The following CLK2 variants were observed in gnomAD, a reference collection of about 807,000 sequenced individuals.
CLK2 encodes dual specificity protein kinase CLK2.
A neutral mutation model predicts 73.5 loss-of-function variants in CLK2; 12 were observed. The observed-to-expected ratio is 0.16, with a 90% CI of 0.10 to 0.26. The LOEUF (loss-of-function observed/expected upper bound fraction) is 0.26. Among genes scored for constraint, CLK2 ranks in the 10% least tolerant of loss-of-function variants. CLK2 has a pLI of 1.00. For synonymous variants in CLK2, 232 were observed against 237.9 expected (o/e 0.98, Z 0.23); for missense variants, 509 against 688.4 (o/e 0.74, Z 2.92).
At chr1:155,264,086 A>C in intron 11 of CLK2, 46 bp from the exon 12 acceptor site, 1 of 1,576,888 alleles carries the variant, frequency 6.3e-7, no homozygotes. Flanking sequence ...CACCCTTGTT[A>C]CAATTCCCTT....
In CLK2 at chr1:155,268,901, G is replaced by C. The variant is rs1464689992; in HGVS notation, c.400-106C>G. Reference sequence around the variant, plus strand: ...TCACCGGTCACAGGCGCCCAGCCAGGGGGGACAGACGATGATGGGGGACAG... The same window carrying C: ...TCACCGGTCACAGGCGCCCAGCCAGCGGGGACAGACGATGATGGGGGACAG... On this transcript the variant is annotated intron_variant, in intron 3 of 12. Transcript: ENST00000368361. This position sits in a 1 kb window ranked among gnomAD's most constrained non-coding sequence, Gnocchi z 5.6. 2.8e-6 allele frequency: 2 copies of C among 710,058 alleles called. No individual in the cohort carries two copies. Among genetic ancestry groups the C allele is most frequent in the Non-Finnish European group, 5.1e-6 (2 of 395,396 alleles). 44.0% of individuals were successfully genotyped at this position (710,058 alleles called of 1,614,324 possible).
chr1:155,268,836 G>GA lies in CLK2; in HGVS notation c.400-42dup. On this transcript the variant is annotated intron_variant, in intron 3 of 12. Transcript: ENST00000368361. The surrounding 1 kb of genome is among the most constrained non-coding windows in gnomAD (Gnocchi z 5.6). ...GGGGGTCGGAGCAAGCCAGGTGTCG[G>GA]AGCGGGGGCCGGAGGGAGGCGGGGT... 1 of 1,348,850 alleles carries GA rather than the reference G, an allele frequency of 7.4e-7. No individual in the cohort carries two copies. Among genetic ancestry groups the GA allele is most frequent in the Non-Finnish European group, 1.1e-6 (1 of 949,800 alleles). 83.6% of individuals were successfully genotyped at this position (1,348,850 alleles called of 1,614,324 possible). A position where few individuals can be genotyped will look rare whatever the true frequency, so the allele number is the denominator to read the frequency against.
At chr1:155,271,880 T>C (rs1673525445) in intron 1 of CLK2, among the ~76,000 whole-genome samples, 1 of 152,158 alleles carries the variant, frequency 6.6e-6, no homozygotes, top group Non-Finnish European at 1.5e-5. Flanking sequence ...CCCCTTGAAT[T>C]AACTTAATCA....
intron 6 of CLK2, among the ~76,000 whole-genome samples, chr1:155,267,258 A>T (rs190403986): frequency 7.2e-4 from 109 of 152,028 alleles, no homozygotes; most frequent in Non-Finnish European, 1.8e-4. Context: ...ATGCCCGGCT[A>T]ATTTTTTTAT....
At chr1:155,269,094 C>G in intron 3 of CLK2, 1 of 581,408 alleles carries the variant, frequency 1.7e-6, no homozygotes, top group South Asian at 2.0e-5. Context: ...ACACAATGCC[C>G]TTCCGGGCAG....
In CLK2 at chr1:155,263,163, C is replaced by G. The variant is rs930196230; in HGVS notation, c.*55G>C. 9.1e-6 allele frequency: 14 copies of G among 1,546,580 alleles called. No individual in the cohort carries two copies. Among genetic ancestry groups the G allele is most frequent in the African/African-American group, 4.1e-5 (3 of 73,080 alleles). ...CTCTTGTATAAAAAAGCACCAGTGT[C>G]CTGGACTGGACACCCACTGCTATAA... On this transcript the variant is annotated 3_prime_UTR_variant, in exon 13 of 13. Coordinates refer to ENST00000368361, the MANE Select transcript of CLK2 (RefSeq NM_001294338.2).
Position 155,263,264 on chromosome 1 carries a change from T to G in CLK2, c.1454A>C (p.Glu485Ala). The G allele has an allele frequency of 6.2e-7, 1 of 1,614,056 alleles. No individual in the cohort carries two copies. Among genetic ancestry groups the G allele is most frequent in the Non-Finnish European group, 8.5e-7 (1 of 1,180,024 alleles). Residue 485 changes from glutamate (E) to alanine (A), a missense_variant, in exon 13 of 13, where the codon GAG (glutamate) becomes GCG (alanine). Physicochemically the swap from Glu to Ala is moderately radical, Grantham distance 107. Transcript: ENST00000368361. ...QHPFFARLRA[E>A]PPNKLWDSSR... ...GGAGTCCCACAACTTGTTGGGCGGC[T>G]CAGCCCGAAGGCGGGCGAAGAAAGG...
In CLK2 at chr1:155,266,775, G is replaced by A; in HGVS notation, c.792C>T (p.Ile264=). 6.2e-7 allele frequency: 1 copy of A among 1,613,530 alleles called. No individual in the cohort carries two copies. The highest frequency in any genetic ancestry group is 2.2e-5 in the East Asian group (1 of 44,856). ...GGAAGGCCATGTGGCGCACTTGGTG[G>A]ATGGGGTAGGGCAGGTAGTTGTTGT... ...LKDNNYLPYP[I]HQVRHMAFQL... The change falls in exon 7 of 13, where the codon ATC becomes ATT. Residue 264 remains isoleucine (I), a synonymous_variant. Coordinates refer to ENST00000368361, the MANE Select transcript of CLK2 (RefSeq NM_001294338.2).
chr1:155,268,312 G>C lies in CLK2; in HGVS notation c.535C>G (p.Gln179Glu). The change falls in exon 5 of 13, where the codon CAA becomes GAA. Residue 179 changes from glutamine (Q) to glutamate (E), a missense_variant. Gln to Glu is a conservative substitution (Grantham distance 29). Around this residue, in one of 6 missense-constraint regions of CLK2, gnomAD observed 76 missense variants for 126.4 expected, o/e 0.60. Transcript: ENST00000368361. This position sits in a 1 kb window ranked among gnomAD's most constrained non-coding sequence, Gnocchi z 5.6. ...LGEGTFGRVV[Q>E]CVDHRRGGAR... The stretch of plus-strand genomic sequence containing the variant: ...AGTTACCTGCGATGGTCAACACATT[G>C]TACAACTCGGCCGAAGGTCCCCTCT... 1 of 1,614,158 alleles carries C rather than the reference G, an allele frequency of 6.2e-7. No homozygotes were observed. The highest frequency in any genetic ancestry group is 2.2e-5 in the East Asian group (1 of 44,886).
Position 155,269,625 on chromosome 1 carries a change from C to G in CLK2, c.262G>C (p.Asp88His), listed in dbSNP as rs1440069903. 5 of 1,614,136 alleles carry G rather than the reference C, an allele frequency of 3.1e-6. No homozygotes were observed. Among genetic ancestry groups the G allele is most frequent in the Non-Finnish European group, 4.2e-6 (5 of 1,180,056 alleles). Residue 88 changes from aspartate (D) to histidine (H), a missense_variant, in exon 3 of 13, where the codon GAT becomes CAT. Physicochemically the swap from Asp to His is moderately conservative, Grantham distance 81. Coordinates refer to ENST00000368361, the MANE Select transcript of CLK2 (RefSeq NM_001294338.2). ...RRNDYSRDRGDAYYDTDYRHS... is the reference protein window; with the variant it reads ...RRNDYSRDRGHAYYDTDYRHS... ...CGATAGTCTGTGTCATAGTAGGCAT[C>G]TCCCCGATCCCGGCTATAATCGTTG... is the stretch of plus-strand genomic sequence containing the variant.
intron 12 of CLK2, 113 bp downstream of exon 12, chr1:155,263,837 C>T: frequency 7.3e-7 from 1 of 1,379,080 alleles, no homozygotes; most frequent in Non-Finnish European, 1.0e-6. Flanking sequence ...TTTCAGCTTT[C>T]CTCCCCTCCT....
At position 155,269,657 on chromosome 1, in the gene CLK2, T is replaced by C. The variant is rs1419043196; in HGVS notation, c.230A>G (p.Tyr77Cys). 5.6e-6 allele frequency: 9 copies of C among 1,614,252 alleles called. No homozygotes were observed. Among genetic ancestry groups the C allele is most frequent in the Non-Finnish European group, 7.6e-6 (9 of 1,180,050 alleles). The change falls in exon 3 of 13, where the codon TAC becomes TGC. Residue 77 changes from tyrosine (Y) to cysteine (C), a missense_variant. Physicochemically the swap from Tyr to Cys is radical, Grantham distance 194 (BLOSUM62 -2). Around this residue, in one of 6 missense-constraint regions of CLK2, gnomAD observed 222 missense variants for 221.7 expected, o/e 1.00. Coordinates refer to ENST00000368361, the MANE Select transcript of CLK2 (RefSeq NM_001294338.2). ...RVYDRRYCGS[Y>C]RRNDYSRDRG... ...ATCCCGGCTATAATCGTTGCGTCTG[T>C]AGCTGCCACAGTATCGCCGGTCATA...
At position 155,268,169 on chromosome 1, in the gene CLK2, G is replaced by A; in HGVS notation, c.555-43C>T. The A allele has an allele frequency of 6.3e-7, 1 of 1,583,182 alleles. No homozygotes were observed. Among genetic ancestry groups the A allele is most frequent in the Non-Finnish European group, 8.7e-7 (1 of 1,151,878 alleles). Reference sequence around the variant, plus strand: ...AGGCTTTTGCTGGGTTCTCAAGAATGTCTCAAAATGAACAGGGCTGTAGGG... The same window carrying A: ...AGGCTTTTGCTGGGTTCTCAAGAATATCTCAAAATGAACAGGGCTGTAGGG... On this transcript the variant is annotated intron_variant, in intron 5 of 12. Transcript: ENST00000368361. This position sits in a 1 kb window ranked among gnomAD's most constrained non-coding sequence, Gnocchi z 5.6.
chr1:155,269,011 C>G, intron 3 of CLK2: 1 of 609,518 alleles, frequency 1.6e-6, no homozygotes. Flanking sequence ...AAACCCAAAA[C>G]AGGAACAGGG....
chr1:155,263,933 TC>T lies in CLK2; in HGVS notation c.1317+16del, dbSNP rs768913758. Reference sequence around the variant, plus strand: ...ACTTCTGGACGGTGGGCACTATTTATCCCGAGCCCAGCTCACCCGCAGCGGT... The same window carrying T: ...ACTTCTGGACGGTGGGCACTATTTATCCGAGCCCAGCTCACCCGCAGCGGT... On this transcript the variant is annotated intron_variant, in intron 12 of 12. Coordinates refer to ENST00000368361, the MANE Select transcript of CLK2 (RefSeq NM_001294338.2). 77 of 1,611,226 alleles carry T rather than the reference TC, an allele frequency of 4.8e-5. No homozygotes were observed. The highest frequency in any genetic ancestry group is 6.2e-5 in the Non-Finnish European group (73 of 1,177,542).
At position 155,270,870 on chromosome 1, in the gene CLK2, T is replaced by C; in HGVS notation, c.108A>G (p.Ser36=). The stretch of plus-strand genomic sequence containing the variant: ...GCCGTCGTGTCCGGTCACTACTACT[T>C]GACCAGGAGCGACTTCTTCGTCGCT... ...KHKRRRSRSW[S]SSSDRTRRRR... is the part of the protein sequence containing the mutation. The change falls in exon 2 of 13, where the codon TCA becomes TCG. Residue 36 remains serine (S), a synonymous_variant. Transcript: ENST00000368361. 4 of 1,614,170 alleles carry C rather than the reference T, an allele frequency of 2.5e-6. No homozygotes were observed. The highest frequency in any genetic ancestry group is 2.2e-5 in the East Asian group (1 of 44,880).
At position 155,271,451 on chromosome 1, in the gene CLK2, C is replaced by T. The variant is rs569383228; in HGVS notation, c.1-474G>A. On this transcript the variant is annotated intron_variant, in intron 1 of 12. Coordinates refer to ENST00000368361, the MANE Select transcript of CLK2 (RefSeq NM_001294338.2). Reference sequence around the variant, plus strand: ...ATGTTGGCCAGGATGGTCTCAAACTCCTGACCTCGTGATCCTCCTGCCTCG... The same window carrying T: ...ATGTTGGCCAGGATGGTCTCAAACTTCTGACCTCGTGATCCTCCTGCCTCG... Among the ~76,000 whole-genome samples the T allele has an allele frequency of 1.2e-3, 187 of 152,290 alleles. 1 individual carries two copies. Among genetic ancestry groups the T allele is most frequent in the Non-Finnish European group, 1.9e-3 (130 of 68,022 alleles).
chr1:155,263,358 C>A lies in CLK2; in HGVS notation c.1360G>T (p.Asp454Tyr). 6.2e-7 allele frequency: 1 copy of A among 1,614,148 alleles called. No homozygotes were observed. Among genetic ancestry groups the A allele is most frequent in the Non-Finnish European group, 8.5e-7 (1 of 1,180,050 alleles). ...SEAEEHHQLF[D>Y]LIESMLEYEP... ...TACTCTAGCATGCTTTCAATCAGATCGAAGAGCTGGTGGTGTTCCTCTGCC... is the reference window on the plus strand; with the variant it reads ...TACTCTAGCATGCTTTCAATCAGATAGAAGAGCTGGTGGTGTTCCTCTGCC... Residue 454 changes from aspartate (D) to tyrosine (Y), a missense_variant, in exon 13 of 13, where the codon GAT becomes TAT. Asp to Tyr is a radical substitution (Grantham distance 160, BLOSUM62 -3). Transcript: ENST00000368361.
chr1:155,271,218 C>T (rs184410785), intron 1 of CLK2, among the ~76,000 whole-genome samples: 1 of 152,206 alleles, frequency 6.6e-6, no homozygotes, highest in Admixed American at 6.5e-5. Flanking sequence ...ACCCACCCCT[C>T]AGTTCAAGTG....
Sources: allele counts gnomAD v4.1 joint callset (sites outside exome capture counted in the v4.1 genomes callset), GRCh38; gene constraint gnomAD v4.1.1; regional missense constraint gnomAD v4.1.1; non-coding constraint Gnocchi (gnomAD v3.1); transcripts MANE v1.5; gene names NCBI Gene and HGNC (gene_info 2026-07-23, HGNC 2026-07-21).